The following GPHN variants were observed in gnomAD, a reference collection of about 807,000 sequenced individuals.
The protein encoded by GPHN is gephyrin.
A neutral mutation model predicts 95.5 loss-of-function variants in GPHN; 17 were observed. The observed-to-expected ratio is 0.18, with a 90% confidence interval of 0.12 to 0.27. GPHN has a LOEUF of 0.27. GPHN is among the 10% of genes least tolerant of loss of function. The pLI, the probability that GPHN is intolerant of heterozygous loss-of-function variation, is 1.00. For missense variants in GPHN, 660 were observed against 978.1 expected (o/e 0.67, Z 4.34); for synonymous variants, 320 against 322.5 (o/e 0.99, Z 0.08).
the GPHN span, among the ~76,000 whole-genome samples, chr14:67,438,417 G>A: frequency 2.0e-5 from 3 of 152,180 alleles, no homozygotes; most frequent in Admixed American, 2.0e-4. Context: ...TCTTTATGGG[G>A]TTAGAGGTAG....
At chr14:66,972,295 AAAG>A (rs1009195182) in intron 9 of GPHN, among the ~76,000 whole-genome samples, 2 of 79,478 alleles carry the variant, frequency 2.5e-5, no homozygotes, top group Non-Finnish European at 3.8e-5. Context: ...GAAAGAAAAA[AAAG>A]AAAAAAGCTA....
the GPHN span, among the ~76,000 whole-genome samples, chr14:67,320,585 CCTT>C: frequency 3.6e-4 from 54 of 152,072 alleles, 1 homozygote; most frequent in Admixed American, 2.0e-4. Flanking sequence ...TTAAATTTGT[CCTT>C]CAAGTATGTA....
intron 1 of GPHN, among the ~76,000 whole-genome samples, chr14:66,679,850 A>G (rs2066836409): frequency 6.6e-6 from 1 of 152,170 alleles, no homozygotes. Context: ...GATCTTTTTT[A>G]AAGTCCTTGT....
At chr14:66,908,396 T>C (rs1010781677) in intron 5 of GPHN, among the ~76,000 whole-genome samples, 1 of 152,116 alleles carries the variant, frequency 6.6e-6, no homozygotes, top group Admixed American at 6.6e-5. Context: ...CAACAAGCAG[T>C]ATCTTATTAT....
the GPHN span, chr14:67,689,984 A>T: frequency 2.0e-6 from 1 of 507,496 alleles, no homozygotes. Context: ...TAGATCACAC[A>T]GCTAGTAAGT....
intron 18 of GPHN, among the ~76,000 whole-genome samples, chr14:67,147,590 G>A (rs1337778528): frequency 1.3e-5 from 2 of 152,252 alleles, no homozygotes; most frequent in South Asian, 2.1e-4. Context: ...AGGGTAGAGT[G>A]CAGTACTGCC....
intron 8 of GPHN, among the ~76,000 whole-genome samples, chr14:66,961,895 A>AATGTGTATATATATATAT (rs2153585232): frequency 3.0e-5 from 2 of 66,292 alleles, no homozygotes; most frequent in African/African-American, 8.6e-5. Flanking sequence ...TCTATCCCTG[A>AATGTGTATATATATATAT]ATGTGTATAT....
the GPHN span, among the ~76,000 whole-genome samples, chr14:67,582,524 A>T: frequency 2.0e-5 from 3 of 152,174 alleles, no homozygotes; most frequent in African/African-American, 4.8e-5. This position sits in a 1 kb window ranked among gnomAD's most constrained non-coding sequence, Gnocchi z 5.0. Context: ...GTATACCAAA[A>T]TAAAAAATAC....
At chr14:67,109,533 C>T (rs1333157806) in intron 13 of GPHN, among the ~76,000 whole-genome samples, 15 of 152,146 alleles carry the variant, frequency 9.9e-5, no homozygotes. Flanking sequence ...AATGTTTAAC[C>T]TAGGTCATTA....
chr14:66,546,552 TCA>T (rs2059606760), intron 1 of GPHN, among the ~76,000 whole-genome samples: 1 of 152,120 alleles, frequency 6.6e-6, no homozygotes. Flanking sequence ...GCCGGATCAC[TCA>T]CGGTTAGGAG....
intron 2 of GPHN, among the ~76,000 whole-genome samples, chr14:66,726,697 TACAA>T (rs1373112295): frequency 2.0e-5 from 3 of 152,164 alleles, no homozygotes; most frequent in East Asian, 1.9e-4. Context: ...ACACAAGTAT[TACAA>T]ACAATTTAAA....
the GPHN span, among the ~76,000 whole-genome samples, chr14:67,483,844 G>C: frequency 1.3e-5 from 2 of 152,376 alleles, no homozygotes; most frequent in East Asian, 3.9e-4. Context: ...AGCATGTCAG[G>C]AGGAGCGGTC....
the GPHN span, among the ~76,000 whole-genome samples, chr14:67,374,231 A>T: frequency 6.6e-6 from 1 of 152,202 alleles, no homozygotes. Flanking sequence ...GGATGCTCTA[A>T]CTAGTAAATA....
intron 1 of GPHN, among the ~76,000 whole-genome samples, chr14:66,562,696 C>T (rs186617175): frequency 1.2e-4 from 18 of 152,088 alleles, no homozygotes; most frequent in South Asian, 2.1e-4. Context: ...TAAATATACG[C>T]GGGAAATCAA....
At chr14:66,521,598 A>G (rs1320964679) in intron 1 of GPHN, among the ~76,000 whole-genome samples, 1 of 152,184 alleles carries the variant, frequency 6.6e-6, no homozygotes, top group Admixed American at 6.5e-5. Flanking sequence ...CTCAGGGACA[A>G]TGCCTTCTTA....
the GPHN span, chr14:67,615,180 G>A: frequency 3.3e-5 from 5 of 152,710 alleles, no homozygotes; most frequent in Admixed American, 2.6e-4. Context: ...CTAGAGCTAT[G>A]CACTAACAGG....
intron 2 of GPHN, among the ~76,000 whole-genome samples, chr14:66,692,581 G>T (rs2067852001): frequency 6.6e-6 from 1 of 152,066 alleles, no homozygotes; most frequent in African/African-American, 2.4e-5. Context: ...GAAAGCAAGT[G>T]GGGAACACAG....
chr14:67,117,379 T>C (rs1292787081), intron 16 of GPHN, among the ~76,000 whole-genome samples: 1 of 152,214 alleles, frequency 6.6e-6, no homozygotes, highest in Non-Finnish European at 1.5e-5. Flanking sequence ...ATTATGCTTT[T>C]TAGAAAGATA....
the GPHN span, chr14:67,653,464 C>T: frequency 2.5e-5 from 40 of 1,613,782 alleles, no homozygotes; most frequent in Middle Eastern, 4.9e-4. Flanking sequence ...GAGAATCTTC[C>T]GACTTTTGCT....
Sources: allele counts gnomAD v4.1 joint callset (sites outside exome capture counted in the v4.1 genomes callset), GRCh38; gene constraint gnomAD v4.1.1; non-coding constraint Gnocchi (gnomAD v3.1); transcripts MANE v1.5; gene names NCBI Gene and HGNC (gene_info 2026-07-23, HGNC 2026-07-21).